SLX4: variants seen among roughly 807,000 people sequenced by gnomAD.
SLX4 encodes the protein SLX4 structure-specific endonuclease subunit.
In SLX4, 112 loss-of-function variants were observed where a neutral mutation model predicts 146.2. That is an observed-to-expected ratio of 0.77 (90% CI 0.66 to 0.90). The LOEUF is 0.90. Ranked by LOEUF, SLX4 falls within the 40% of genes least tolerant of loss-of-function variation. The pLI, the probability that SLX4 is intolerant of heterozygous loss-of-function variation, is 0.00. For missense variants in SLX4, 2,563 were observed against 2,392.7 expected (o/e 1.07, Z -1.49); for synonymous variants, 1,061 against 997.7 (o/e 1.06, Z -1.20).
Position 3,582,434 on chromosome 16 carries a change from A to AG in SLX4, c.5412dup (p.Cys1805LeufsTer140). 2 of 1,613,906 alleles carry AG rather than the reference A, an allele frequency of 1.2e-6. No individual in the cohort carries two copies. Among genetic ancestry groups the AG allele is most frequent in the South Asian group, 2.2e-5 (2 of 91,092 alleles). Reference sequence around the variant, plus strand: ...GTGGCGGCAGTGGTGAAGGTGATACAGTGGGTGTCCAGGAAGTCCAACAGC... The same window carrying AG: ...GTGGCGGCAGTGGTGAAGGTGATACAGGTGGGTGTCCAGGAAGTCCAACAGC... On this transcript the variant is annotated frameshift_variant, in exon 15 of 15. Coordinates refer to ENST00000294008, the MANE Select transcript of SLX4 (RefSeq NM_032444.4). LOFTEE classifies it low-confidence loss of function (END_TRUNC).
chr16:3,592,627 G>A, intron 11 of SLX4, 72 bp downstream of exon 11: 1 of 1,543,924 alleles, frequency 6.5e-7, no homozygotes, highest in East Asian at 2.4e-5. Flanking sequence ...GCCCTCTGCA[G>A]CACAACCCTC....
chr16:3,591,421 ACCCAGGC>A, intron 11 of SLX4, 111 bp from the exon 12 acceptor site: 4 of 1,475,754 alleles, frequency 2.7e-6, no homozygotes, highest in Non-Finnish European at 2.8e-6. Flanking sequence ...AATGACCATG[ACCCAGGC>A]CCTGCTTCCC....
chr16:3,606,562 C>G lies in SLX4; in HGVS notation c.672G>C (p.Leu224Phe), dbSNP rs777059567. Residue 224 changes from leucine (L) to phenylalanine (F), a missense_variant, in exon 3 of 15, where the codon TTG (leucine) becomes TTC (phenylalanine). By Grantham distance (22) the Leu-to-Phe change is conservative. Transcript: ENST00000294008. ...GGGAGCACTCTTCTGAAGCGTGTCT[C>G]AAACGCTCGGGGTCTGCTCTCTTGA... ...QQFKRADPER[L>F]RHASEECSLE... is the part of the protein sequence containing the mutation. 3 of 1,614,208 alleles carry G rather than the reference C, an allele frequency of 1.9e-6. No individual in the cohort carries two copies. Among genetic ancestry groups the G allele is most frequent in the South Asian group, 1.1e-5 (1 of 91,088 alleles).
intron 14 of SLX4, 100 bp from the exon 15 acceptor site, chr16:3,582,793 G>T: frequency 8.7e-7 from 1 of 1,150,696 alleles, no homozygotes. Context: ...GGGTCCCATG[G>T]AGCCTGGCCT....
At chr16:3,586,639 C>G (rs2040511254) in intron 12 of SLX4, among the ~76,000 whole-genome samples, 1 of 151,880 alleles carries the variant, frequency 6.6e-6, no homozygotes, top group South Asian at 2.1e-4. Context: ...GGTGAAACCC[C>G]ATCTGTACTA....
At chr16:3,583,822 G>T (rs980265912) in intron 13 of SLX4, among the ~76,000 whole-genome samples, 3 of 152,032 alleles carry the variant, frequency 2.0e-5, no homozygotes, top group African/African-American at 7.3e-5. Context: ...GGGCAACATA[G>T]CAAGACCCCG....
intron 5 of SLX4, 49 bp from the exon 6 acceptor site, chr16:3,598,048 C>G (rs756063184): frequency 2.4e-5 from 38 of 1,609,482 alleles, no homozygotes; most frequent in Middle Eastern, 1.7e-4. Context: ...GGAGTGCACG[C>G]TTCTCAGGTT....
In SLX4 at chr16:3,590,586, C is replaced by T. The variant is rs948861318; in HGVS notation, c.3052G>A (p.Val1018Ile). 1.9e-5 allele frequency: 31 copies of T among 1,613,164 alleles called. No individual in the cohort carries two copies. Among genetic ancestry groups the T allele is most frequent in the Non-Finnish European group, 2.5e-5 (30 of 1,179,140 alleles). The change falls in exon 12 of 15, where the codon GTT (valine) becomes ATT (isoleucine). Residue 1018 changes from valine (V) to isoleucine (I), a missense_variant. Transcript: ENST00000294008. This position sits in a 1 kb window ranked among gnomAD's most constrained non-coding sequence, Gnocchi z 4.8. ...TGCCAGGGAGCCAGGCGATGAGAAA[C>T]CTCCAGCCCCCTTTCCCTGACAGCG... is the stretch of plus-strand genomic sequence containing the variant. Reference protein sequence around the residue: ...SGAVRERGLEVSHRLAPWQAS... With the variant: ...SGAVRERGLEISHRLAPWQAS...
At chr16:3,605,705 T>C (rs983105270) in intron 3 of SLX4, among the ~76,000 whole-genome samples, 3 of 150,858 alleles carry the variant, frequency 2.0e-5, no homozygotes, top group African/African-American at 4.9e-5. Context: ...CCCAGCACTT[T>C]GGGAGGCCAA....
chr16:3,597,325 G>T lies in SLX4; in HGVS notation c.1683+54C>A. The T allele has an allele frequency of 6.8e-7, 1 of 1,469,010 alleles. No individual in the cohort carries two copies. The highest frequency in any genetic ancestry group is 9.0e-7 in the Non-Finnish European group (1 of 1,105,132). The allele number at this position is 1,469,010 out of a possible 1,614,324, so 91.0% of individuals were successfully genotyped here. A position where few individuals can be genotyped will look rare whatever the true frequency, so the allele number is the denominator to read the frequency against. Reference sequence around the variant, plus strand: ...GTGGGTACCCAGTGTTGCAGTTCTGGGATTGCCAACCTCCCCCAAAAGCCT... The same window carrying T: ...GTGGGTACCCAGTGTTGCAGTTCTGTGATTGCCAACCTCCCCCAAAAGCCT... On this transcript the variant is annotated intron_variant, in intron 7 of 14. Coordinates refer to ENST00000294008, the MANE Select transcript of SLX4 (RefSeq NM_032444.4). This position sits in a 1 kb window ranked among gnomAD's most constrained non-coding sequence, Gnocchi z 4.4.
At chr16:3,604,353 AAAAG>A (rs910945781) in intron 3 of SLX4, among the ~76,000 whole-genome samples, 23 of 152,168 alleles carry the variant, frequency 1.5e-4, no homozygotes, top group African/African-American at 5.6e-4. Flanking sequence ...GTTCAGAAAA[AAAAG>A]AAACCAGCTA....
At chr16:3,598,689 A>G (rs2040694457) in intron 5 of SLX4, among the ~76,000 whole-genome samples, 1 of 152,204 alleles carries the variant, frequency 6.6e-6, no homozygotes, top group African/African-American at 2.4e-5. Context: ...CCTTCCCTGC[A>G]ATGCAGTCAT....
At position 3,590,154 on chromosome 16, in the gene SLX4, C is replaced by T. The variant is rs1271197413; in HGVS notation, c.3484G>A (p.Glu1162Lys). 6.2e-7 allele frequency: 1 copy of T among 1,614,190 alleles called. No individual in the cohort carries two copies. The highest frequency in any genetic ancestry group is 2.2e-5 in the East Asian group (1 of 44,882). Residue 1162 changes from glutamate (E) to lysine (K), a missense_variant, in exon 12 of 15, where the codon GAG becomes AAG. Physicochemically the swap from Glu to Lys is moderately conservative, Grantham distance 56. Transcript: ENST00000294008. The surrounding 1 kb of genome is among the most constrained non-coding windows in gnomAD (Gnocchi z 4.8). ...GACTTCATTTTGGTTTGTTCTAGCT[C>T]CAGCTCCTCATCCGAGTCCAGTAAG... ...ILLLDSDEEL[E>K]LEQTKMKSIS...
intron 9 of SLX4, 102 bp from the exon 10 acceptor site, chr16:3,594,701 G>A: frequency 2.6e-6 from 4 of 1,520,080 alleles, no homozygotes; most frequent in Non-Finnish European, 3.6e-6. Context: ...GGTGGGCCGG[G>A]AGCCAGGACC....
intron 13 of SLX4, 125 bp from the exon 14 acceptor site, chr16:3,583,635 T>A: frequency 2.0e-6 from 2 of 1,020,468 alleles, no homozygotes; most frequent in Non-Finnish European, 1.5e-6. Context: ...AAACCATAGA[T>A]GCCTGACTTC....
At chr16:3,594,731 C>T (rs2040631982) in intron 9 of SLX4, 132 bp from the exon 10 acceptor site, 9 of 1,209,510 alleles carry the variant, frequency 7.4e-6, no homozygotes, top group Non-Finnish European at 1.1e-5. Context: ...CTTTCCTCTC[C>T]AAAACGCTTC....
At position 3,590,722 on chromosome 16, in the gene SLX4, G is replaced by C. The variant is rs1360307071; in HGVS notation, c.2916C>G (p.Gly972=). The change falls in exon 12 of 15, where the codon GGC becomes GGG. Residue 972 remains glycine, a synonymous_variant. Transcript: ENST00000294008. This position sits in a 1 kb window ranked among gnomAD's most constrained non-coding sequence, Gnocchi z 4.8. The stretch of plus-strand genomic sequence containing the variant: ...CGGCATCATCTGAGTGCGGAAGAGA[G>C]CCTTCTTTTCTCTCTGCCTGGCAGT... ...SRDCQAERKE[G]SLPHSDDAGD... is the part of the protein sequence containing the mutation. The C allele has an allele frequency of 1.2e-6, 2 of 1,614,150 alleles. No homozygotes were observed. The highest frequency in any genetic ancestry group is 1.7e-6 in the Non-Finnish European group (2 of 1,180,040).
chr16:3,584,984 G>A (rs2040491591), intron 12 of SLX4, 113 bp from the exon 13 acceptor site: 2 of 854,986 alleles, frequency 2.3e-6, no homozygotes, highest in Non-Finnish European at 4.0e-6. Context: ...CCCAAGCATC[G>A]TTTTGCTCCA....
intron 5 of SLX4, chr16:3,600,715 C>T: frequency 5.0e-6 from 2 of 397,416 alleles, no homozygotes; most frequent in South Asian, 4.2e-5. Context: ...ATTCTCCTGC[C>T]TCAGCCTCCC....
Sources: gnomAD v4.1 joint callset for allele counts (sites outside exome capture counted in the v4.1 genomes callset) on GRCh38, gnomAD v4.1.1 for gene constraint, Gnocchi (gnomAD v3.1) non-coding constraint, MANE v1.5 for transcripts, NCBI Gene and HGNC (gene_info 2026-07-23, HGNC 2026-07-21) for gene names.